The following ATP8B4 variants were observed in gnomAD, a reference collection of about 807,000 sequenced individuals.
ATP8B4 encodes probable phospholipid-transporting ATPase IM.
ATP8B4 carries 133 observed loss-of-function variants against 145.6 expected under a neutral mutation model. The observed-to-expected ratio is 0.91, with a 90% confidence interval of 0.79 to 1.05. ATP8B4 has a LOEUF of 1.05. ATP8B4 is among the 50% of genes least tolerant of loss of function. ATP8B4 has a pLI of 0.00. For synonymous variants in ATP8B4, 507 were observed against 492.9 expected (o/e 1.03, Z -0.38); for missense variants, 1,458 against 1,425.2 (o/e 1.02, Z -0.37).
At chr15:50,023,557 A>G (rs561833435) in intron 6 of ATP8B4, among the ~76,000 whole-genome samples, 18 of 152,262 alleles carry the variant, frequency 1.2e-4, no homozygotes, top group African/African-American at 4.3e-4. Flanking sequence ...TTTTCCTATC[A>G]TTCTTTTTAT....
At chr15:49,896,757 T>C (rs2037440839) in intron 23 of ATP8B4, 1 of 152,364 alleles carries the variant, frequency 6.6e-6, no homozygotes, top group Admixed American at 6.5e-5. Context: ...TAAGAAGCGA[T>C]ATAAAAATAG....
intron 11 of ATP8B4, among the ~76,000 whole-genome samples, chr15:49,980,650 G>A (rs1409410104): frequency 6.6e-6 from 1 of 152,184 alleles, no homozygotes; most frequent in Non-Finnish European, 1.5e-5. Context: ...GGAGAACTGT[G>A]AGGTGGGGCT....
chr15:50,047,920 C>G (rs549684172), intron 3 of ATP8B4, among the ~76,000 whole-genome samples: 13 of 152,348 alleles, frequency 8.5e-5, no homozygotes, highest in African/African-American at 2.9e-4. Flanking sequence ...GGGAAACTGA[C>G]TGCCTCGCAA....
At chr15:49,999,205 A>T (rs1392144476) in intron 8 of ATP8B4, among the ~76,000 whole-genome samples, 5 of 151,904 alleles carry the variant, frequency 3.3e-5, no homozygotes, top group East Asian at 1.9e-4. Flanking sequence ...TATGCAGCCA[A>T]AAAAAATGAT....
chr15:49,943,298 G>T (rs73398815), intron 14 of ATP8B4, among the ~76,000 whole-genome samples: 2,813 of 151,886 alleles, frequency 0.019, 91 homozygotes, highest in African/African-American at 0.066. Context: ...GGACCAGAAA[G>T]CTTATTTAAA....
At chr15:49,970,250 T>A (rs924828183) in intron 13 of ATP8B4, among the ~76,000 whole-genome samples, 11 of 152,172 alleles carry the variant, frequency 7.2e-5, no homozygotes, top group African/African-American at 2.7e-4. Context: ...CTGTTCAACA[T>A]AGTATTGGAA....
chr15:50,143,220 C>T (rs531008681), intron 1 of ATP8B4, among the ~76,000 whole-genome samples: 2 of 152,216 alleles, frequency 1.3e-5, no homozygotes, highest in Non-Finnish European at 2.9e-5. Flanking sequence ...TGGCTTAAAA[C>T]AACAATATAG....
At chr15:49,968,385 T>C (rs989964218) in intron 13 of ATP8B4, among the ~76,000 whole-genome samples, 2 of 151,944 alleles carry the variant, frequency 1.3e-5, no homozygotes, top group African/African-American at 4.8e-5. Flanking sequence ...AGCCATCTCA[T>C]GTGCAAAGAC....
chr15:49,872,095 C>A (rs553465012), intron 25 of ATP8B4, among the ~76,000 whole-genome samples: 1 of 152,294 alleles, frequency 6.6e-6, no homozygotes, highest in African/African-American at 2.4e-5. Flanking sequence ...CACTGCTTCC[C>A]AACTATGCCT....
At chr15:49,911,770 T>C (rs1431621556) in intron 20 of ATP8B4, among the ~76,000 whole-genome samples, 2 of 152,166 alleles carry the variant, frequency 1.3e-5, no homozygotes, top group African/African-American at 2.4e-5. Context: ...TTCTCCAGTA[T>C]AGATCATAAG....
At chr15:50,135,944 G>A (rs1377933223) in intron 1 of ATP8B4, among the ~76,000 whole-genome samples, 1 of 152,160 alleles carries the variant, frequency 6.6e-6, no homozygotes, top group Non-Finnish European at 1.5e-5. Context: ...ATTCTTTCAT[G>A]TACATTTCAA....
chr15:50,064,724 C>T (rs943320152), intron 3 of ATP8B4, among the ~76,000 whole-genome samples: 1 of 152,112 alleles, frequency 6.6e-6, no homozygotes, highest in Non-Finnish European at 1.5e-5. Flanking sequence ...GTTTAATTAG[C>T]TCATGGTTCT....
intron 18 of ATP8B4, 36 bp downstream of exon 18, chr15:49,920,210 C>A (rs1038056616): frequency 6.2e-7 from 1 of 1,605,484 alleles, no homozygotes; most frequent in African/African-American, 1.3e-5. Context: ...ACTATCTTTC[C>A]TGTAAACACA....
At chr15:50,017,222 G>A (rs2049158728) in intron 6 of ATP8B4, among the ~76,000 whole-genome samples, 1 of 152,106 alleles carries the variant, frequency 6.6e-6, no homozygotes, top group Non-Finnish European at 1.5e-5. Context: ...CAATAAAGTT[G>A]GGAGATACAT....
At chr15:50,012,644 T>A (rs1467577614) in intron 6 of ATP8B4, among the ~76,000 whole-genome samples, 1 of 152,114 alleles carries the variant, frequency 6.6e-6, no homozygotes, top group Non-Finnish European at 1.5e-5. Flanking sequence ...TGTCTTATGA[T>A]TTGACAAAGT....
At chr15:49,920,677 G>C (rs894630865) in intron 17 of ATP8B4, among the ~76,000 whole-genome samples, 1 of 152,176 alleles carries the variant, frequency 6.6e-6, no homozygotes, top group Admixed American at 6.5e-5. Context: ...AAGTGTCCTA[G>C]TTGAGAGGTG....
intron 23 of ATP8B4, 191 bp from the exon 24 acceptor site, chr15:49,879,650 C>T (rs4375601): frequency 0.15 from 83,573 of 539,480 alleles, 7,021 homozygotes; most frequent in South Asian, 0.25. Flanking sequence ...TCTCTCTAAA[C>T]GGCAGTTTCT....
At chr15:50,042,763 T>C (rs1016089532) in intron 5 of ATP8B4, among the ~76,000 whole-genome samples, 8 of 152,280 alleles carry the variant, frequency 5.3e-5, no homozygotes, top group Admixed American at 5.2e-4. Flanking sequence ...TGAAGCCAGA[T>C]TGCTTGAGAT....
rs149302745 is a variant in ATP8B4 at position 50,165,970 on chromosome 15, A to AACACACACACAC, written c.-43+16279_-43+16290dup. On this transcript the variant is annotated intron_variant, in intron 1 of 3. Coordinates refer to the ATP8B4 transcript ENST00000558829. ...TCTGAAAGCTCAGAGAATCCCAGAGAACACACACACACACACACACACACA... is the reference window on the plus strand; with the variant it reads ...TCTGAAAGCTCAGAGAATCCCAGAGAACACACACACACACACACACACACACACACACACACA... Among the ~76,000 whole-genome samples, 823 of 147,052 alleles carry AACACACACACAC rather than the reference A, an allele frequency of 5.6e-3. 6 individuals carry two copies. The highest frequency in any genetic ancestry group is 0.021 in the Middle Eastern group (6 of 284).
Sources: gnomAD v4.1 joint callset for allele counts (sites outside exome capture counted in the v4.1 genomes callset) on GRCh38, gnomAD v4.1.1 for gene constraint, MANE v1.5 for transcripts, NCBI Gene and HGNC (gene_info 2026-07-23, HGNC 2026-07-21) for gene names.